FSHR: variants seen among roughly 807,000 people sequenced by gnomAD.
FSHR encodes follicle stimulating hormone receptor.
Under a neutral mutation model 52.1 loss-of-function variants are expected in FSHR, and 46 were observed. The ratio of observed to expected loss-of-function variants is 0.88; its 90% CI spans 0.70 to 1.13. The LOEUF is 1.13. FSHR is among the 50% of genes most tolerant of loss of function. The probability of loss-of-function intolerance (pLI) is 0.00; values close to 1 mark genes in which losing one functional copy is unlikely to be tolerated. For missense variants in FSHR, 964 were observed against 834.6 expected (o/e 1.16, Z -1.91); for synonymous variants, 399 against 309.6 (o/e 1.29, Z -3.03).
intron 9 of FSHR, among the ~76,000 whole-genome samples, chr2:48,967,665 C>G (rs549422010): frequency 3.9e-5 from 6 of 152,254 alleles, no homozygotes; most frequent in African/African-American, 1.4e-4. Context: ...ACAAATCCTC[C>G]AAAAGGGTCT....
intron 1 of FSHR, among the ~76,000 whole-genome samples, chr2:49,083,680 G>A (rs1216559271): frequency 6.7e-6 from 1 of 149,824 alleles, no homozygotes; most frequent in Non-Finnish European, 1.5e-5. Flanking sequence ...ACAAAAAAAG[G>A]CAGGGGTTGC....
intron 1 of FSHR, among the ~76,000 whole-genome samples, chr2:49,085,896 T>G (rs1572723868): frequency 1.4e-5 from 2 of 146,198 alleles, no homozygotes; most frequent in East Asian, 2.0e-4. Flanking sequence ...TTCTCGCTCA[T>G]AGGTGGGAAT....
At chr2:48,972,176 A>C (rs1185949209) in intron 8 of FSHR, among the ~76,000 whole-genome samples, 1 of 152,192 alleles carries the variant, frequency 6.6e-6, no homozygotes, top group Non-Finnish European at 1.5e-5. Flanking sequence ...CCAGTTGTTC[A>C]TGCAAAAACT....
At chr2:49,050,559 C>T (rs1257060105) in intron 2 of FSHR, among the ~76,000 whole-genome samples, 1 of 152,150 alleles carries the variant, frequency 6.6e-6, no homozygotes, top group African/African-American at 2.4e-5. Flanking sequence ...TAAAAGAAGC[C>T]TTGTGTAGCA....
At chr2:49,147,524 G>C (rs1022618157) in intron 1 of FSHR, among the ~76,000 whole-genome samples, 1 of 152,022 alleles carries the variant, frequency 6.6e-6, no homozygotes, top group African/African-American at 2.4e-5. Flanking sequence ...AGGTAAACAA[G>C]GGGGTTTTAT....
chr2:49,079,816 T>TA (rs1276219886), intron 1 of FSHR, among the ~76,000 whole-genome samples: 1 of 151,996 alleles, frequency 6.6e-6, no homozygotes, highest in Non-Finnish European at 1.5e-5. Context: ...AAGACTTTTT[T>TA]AAAAAAACAC....
chr2:49,047,323 A>G (rs907694396), intron 2 of FSHR, among the ~76,000 whole-genome samples: 6 of 152,260 alleles, frequency 3.9e-5, no homozygotes, highest in African/African-American at 1.4e-4. Flanking sequence ...CATTTTAAAC[A>G]AATATGTGAT....
chr2:49,136,483 A>C lies in FSHR; in HGVS notation c.152+17783T>G, dbSNP rs572857198. Among the ~76,000 whole-genome samples the C allele has an allele frequency of 1.8e-4, 28 of 152,262 alleles. No individual in the cohort carries two copies. In the East Asian group the frequency reaches 5.4e-3, roughly 29 times the overall value. ...TTATTCACAAACTCTTCCCAAAAGT[A>C]AAAAGAAAATACTTTTGCACTCATT... On this transcript the variant is annotated intron_variant, in intron 1 of 9. Coordinates refer to ENST00000406846, the MANE Select transcript of FSHR (RefSeq NM_000145.4).
At chr2:49,011,730 C>T (rs977090683) in intron 4 of FSHR, among the ~76,000 whole-genome samples, 7 of 152,130 alleles carry the variant, frequency 4.6e-5, no homozygotes, top group Non-Finnish European at 7.4e-5. Flanking sequence ...ATAAGGGAAG[C>T]AGCTGAGACC....
At chr2:49,064,472 A>C (rs935397948) in intron 2 of FSHR, among the ~76,000 whole-genome samples, 5 of 151,992 alleles carry the variant, frequency 3.3e-5, no homozygotes, top group Non-Finnish European at 7.4e-5. Flanking sequence ...TCCACCTTCC[A>C]CCATGTGAGG....
chr2:49,146,907 T>C (rs1350172343), intron 1 of FSHR, among the ~76,000 whole-genome samples: 1 of 152,040 alleles, frequency 6.6e-6, no homozygotes, highest in Non-Finnish European at 1.5e-5. Flanking sequence ...CAGCTGTGCA[T>C]TCTTGATGGT....
intron 1 of FSHR, among the ~76,000 whole-genome samples, chr2:49,113,775 G>T (rs768564679): frequency 6.6e-6 from 1 of 152,218 alleles, no homozygotes; most frequent in South Asian, 2.1e-4. Context: ...GGACACTTGT[G>T]GGGAGGTCTT....
intron 8 of FSHR, among the ~76,000 whole-genome samples, chr2:48,973,418 A>G (rs1325044629): frequency 2.0e-5 from 3 of 152,244 alleles, no homozygotes; most frequent in Non-Finnish European, 4.4e-5. Flanking sequence ...AGGGCCAGCC[A>G]TCCAAATGTC....
chr2:49,130,515 C>T (rs570383429), intron 1 of FSHR, among the ~76,000 whole-genome samples: 13 of 152,310 alleles, frequency 8.5e-5, no homozygotes, highest in African/African-American at 2.9e-4. Flanking sequence ...TCAATACAAT[C>T]CAATTCAGTT....
chr2:49,015,369 T>C (rs1667447895), intron 4 of FSHR, among the ~76,000 whole-genome samples: 1 of 152,226 alleles, frequency 6.6e-6, no homozygotes, highest in Non-Finnish European at 1.5e-5. Flanking sequence ...AGAATTTTCC[T>C]GAGGATGGGC....
chr2:49,009,660 C>A (rs1667200537), intron 4 of FSHR, among the ~76,000 whole-genome samples: 1 of 150,668 alleles, frequency 6.6e-6, no homozygotes, highest in Admixed American at 6.6e-5. Context: ...TGCCCATGAG[C>A]ATGGAATGTT....
chr2:49,002,632 G>T (rs1207434778), intron 4 of FSHR, among the ~76,000 whole-genome samples: 1 of 152,078 alleles, frequency 6.6e-6, no homozygotes, highest in Non-Finnish European at 1.5e-5. Context: ...CTGATTGTCA[G>T]AAGAACAGCA....
At chr2:49,104,703 G>A (rs1451654213) in intron 1 of FSHR, among the ~76,000 whole-genome samples, 1 of 152,060 alleles carries the variant, frequency 6.6e-6, no homozygotes, top group Non-Finnish European at 1.5e-5. Context: ...GCTTCAGCTG[G>A]GTGTTGTTTT....
At chr2:48,977,919 G>T (rs1027971097) in intron 8 of FSHR, among the ~76,000 whole-genome samples, 2 of 152,210 alleles carry the variant, frequency 1.3e-5, no homozygotes, top group South Asian at 2.1e-4. Flanking sequence ...TATCTTTCAG[G>T]CTGGTCTCTT....
Sources: gnomAD v4.1 joint callset for allele counts (sites outside exome capture counted in the v4.1 genomes callset) on GRCh38, gnomAD v4.1.1 for gene constraint, MANE v1.5 for transcripts, NCBI Gene and HGNC (gene_info 2026-07-23, HGNC 2026-07-21) for gene names.